The following ATF7IP variants were observed in gnomAD, a reference collection of about 807,000 sequenced individuals.
ATF7IP encodes the protein activating transcription factor 7-interacting protein 1.
In ATF7IP, 23 loss-of-function variants were observed where a neutral mutation model predicts 106.4. The observed-to-expected ratio is 0.22, with a 90% CI of 0.16 to 0.31. ATF7IP has a LOEUF of 0.31. Among genes scored for constraint, ATF7IP ranks in the 10% least tolerant of loss-of-function variants. The probability of loss-of-function intolerance (pLI) is 1.00; values close to 1 mark genes in which losing one functional copy is unlikely to be tolerated. For synonymous variants in ATF7IP, 542 were observed against 539.0 expected, an observed-to-expected ratio of 1.01 and a Z score of -0.08; for missense variants, 1,334 against 1,524.3, an observed-to-expected ratio of 0.88 and a Z score of 2.08.
rs1043579711 is a variant in ATF7IP, at chr12:14,501,303, C to T, written c.*3230C>T. 1 of 152,096 alleles carries T rather than the reference C, an allele frequency of 6.6e-6. No individual in the cohort carries two copies. Among genetic ancestry groups the T allele is most frequent in the Non-Finnish European group, 1.5e-5 (1 of 68,004 alleles). The allele number at this position is 152,096 out of a possible 1,614,324, so 9.4% of individuals were successfully genotyped here. A position where few individuals can be genotyped will look rare whatever the true frequency, so the allele number is the denominator to read the frequency against. On this transcript the variant is annotated 3_prime_UTR_variant, in exon 15 of 15. Transcript: ENST00000261168. ...CTGGCAATATTTGTGTAGGTATTGC[C>T]TTATTGGAAATTCTGGAAACCTGAT...
At chr12:14,388,074 T>A (rs1040020908) in intron 1 of ATF7IP, among the ~76,000 whole-genome samples, 1 of 149,966 alleles carries the variant, frequency 6.7e-6, no homozygotes, top group Non-Finnish European at 1.5e-5. Context: ...AGTGCGATGA[T>A]GCTTCCTCGG....
intron 1 of ATF7IP, chr12:14,385,363 G>T (rs1347715789): frequency 6.5e-7 from 1 of 1,533,494 alleles, no homozygotes; most frequent in Admixed American, 2.0e-5. Context: ...CAGCAAGTAT[G>T]TCAGTGAGGA....
At chr12:14,460,230 A>G (rs889263658) in intron 8 of ATF7IP, among the ~76,000 whole-genome samples, 1 of 152,024 alleles carries the variant, frequency 6.6e-6, no homozygotes, top group Non-Finnish European at 1.5e-5. Context: ...ATTTTCAGAG[A>G]CCGTTTTGAT....
chr12:14,443,849 A>G (rs1016753074), intron 5 of ATF7IP, among the ~76,000 whole-genome samples: 2 of 152,204 alleles, frequency 1.3e-5, no homozygotes, highest in Non-Finnish European at 2.9e-5. Flanking sequence ...AATATATTCT[A>G]ATAGTTTTCC....
intron 8 of ATF7IP, among the ~76,000 whole-genome samples, chr12:14,458,382 T>A (rs1489589549): frequency 6.6e-6 from 1 of 152,238 alleles, no homozygotes; most frequent in African/African-American, 2.4e-5. Context: ...TCCAGTCTTT[T>A]ACAAATATAT....
At chr12:14,414,593 T>G (rs1173377426) in intron 1 of ATF7IP, among the ~76,000 whole-genome samples, 2 of 152,198 alleles carry the variant, frequency 1.3e-5, no homozygotes, top group African/African-American at 2.4e-5. Flanking sequence ...ATACTGTATA[T>G]CTCTGTCATA....
At chr12:14,402,756 C>A (rs936263371) in intron 1 of ATF7IP, among the ~76,000 whole-genome samples, 5 of 151,912 alleles carry the variant, frequency 3.3e-5, no homozygotes, top group African/African-American at 4.8e-5. Flanking sequence ...TCTATCATGC[C>A]TGGCTAATGT....
At chr12:14,470,555 A>G (rs1944001121) in intron 10 of ATF7IP, among the ~76,000 whole-genome samples, 1 of 152,208 alleles carries the variant, frequency 6.6e-6, no homozygotes, top group Non-Finnish European at 1.5e-5. Flanking sequence ...AATAAGGTCT[A>G]CAGTCAGACA....
chr12:14,476,997 C>T (rs935530980), intron 11 of ATF7IP, among the ~76,000 whole-genome samples: 1 of 152,034 alleles, frequency 6.6e-6, no homozygotes, highest in African/African-American at 2.4e-5. Context: ...CTTTACTATG[C>T]TAATTTATAA....
chr12:14,453,233 A>G (rs567158648), intron 6 of ATF7IP, among the ~76,000 whole-genome samples: 2 of 152,232 alleles, frequency 1.3e-5, no homozygotes, highest in Non-Finnish European at 2.9e-5. Context: ...TTGAATTTGC[A>G]TCTCCATTTT....
At chr12:14,494,932 C>CA (rs34929652) in intron 13 of ATF7IP, among the ~76,000 whole-genome samples, 843 of 78,968 alleles carry the variant, frequency 0.011, 14 homozygotes, top group African/African-American at 0.031. Flanking sequence ...GACTCTGTCT[C>CA]AAAAAAAAAA....
At chr12:14,453,509 A>C (rs950553888) in intron 6 of ATF7IP, among the ~76,000 whole-genome samples, 2 of 151,742 alleles carry the variant, frequency 1.3e-5, no homozygotes, top group African/African-American at 4.8e-5. Context: ...TCAGCTTTTT[A>C]ATTTGTATTA....
In ATF7IP at chr12:14,424,615, A is replaced by G. The variant is rs749150760; in HGVS notation, c.700A>G (p.Ile234Val). 2 of 1,613,664 alleles carry G rather than the reference A, an allele frequency of 1.2e-6. No individual in the cohort carries two copies. Among genetic ancestry groups the G allele is most frequent in the Non-Finnish European group, 8.5e-7 (1 of 1,179,958 alleles). ...CGCTGATGATATAGCCTCTAGTGAA[A>G]TAACTTCTGTTGATCTGGCTTCTGG... ...CAADDIASSE[I>V]TSVDLASGAP... The change falls in exon 2 of 15, where the codon ATA (isoleucine) becomes GTA (valine). Residue 234 changes from isoleucine to valine, a missense_variant. Ile to Val is a conservative substitution (Grantham distance 29, BLOSUM62 3). Around this residue, in one of 10 missense-constraint regions of ATF7IP, gnomAD observed 438 missense variants for 405.3 expected, o/e 1.08. Transcript: ENST00000261168.
chr12:14,473,648 A>G (rs112746805), intron 10 of ATF7IP, among the ~76,000 whole-genome samples: 6,741 of 151,990 alleles, frequency 0.044, 184 homozygotes, highest in Non-Finnish European at 0.063. Context: ...CCAAGTTGGT[A>G]TTTCCTTTCA....
intron 1 of ATF7IP, among the ~76,000 whole-genome samples, chr12:14,409,472 G>A (rs1334212990): frequency 6.6e-6 from 1 of 152,108 alleles, no homozygotes; most frequent in Non-Finnish European, 1.5e-5. Context: ...ATAGTTAATT[G>A]AATTTTCCAT....
chr12:14,423,864 G>A, intron 1 of ATF7IP, 45 bp from the exon 2 acceptor site: 3 of 1,523,770 alleles, frequency 2.0e-6, no homozygotes, highest in Non-Finnish European at 2.6e-6. Context: ...CAATTAGGTG[G>A]CTTCTGTTTC....
In ATF7IP at chr12:14,423,897, T is replaced by C. The variant is rs112588027; in HGVS notation, c.-7-12T>C. On this transcript the variant is annotated splice_polypyrimidine_tract_variant and intron_variant, in intron 1 of 14. Coordinates refer to ENST00000261168, the MANE Select transcript of ATF7IP (RefSeq NM_018179.5). Reference sequence around the variant, plus strand: ...TTCAGTTATTAAACTCTCTTTCTCTTTTTTCTTAAAGATTCAGAATGGACA... The same window carrying C: ...TTCAGTTATTAAACTCTCTTTCTCTCTTTTCTTAAAGATTCAGAATGGACA... The C allele has an allele frequency of 6.4e-7, 1 of 1,555,700 alleles. No homozygotes were observed. The highest frequency in any genetic ancestry group is 8.6e-7 in the Non-Finnish European group (1 of 1,156,906).
intron 10 of ATF7IP, among the ~76,000 whole-genome samples, chr12:14,468,980 T>C (rs1462492313): frequency 6.6e-6 from 1 of 152,204 alleles, no homozygotes; most frequent in Non-Finnish European, 1.5e-5. Context: ...CTTTGAATTG[T>C]CACATTTTAA....
Position 14,424,457 on chromosome 12 carries a change from C to A in ATF7IP, c.542C>A (p.Ser181Tyr), listed in dbSNP as rs976334909. 7.4e-6 allele frequency: 12 copies of A among 1,611,846 alleles called. No homozygotes were observed. Among genetic ancestry groups the A allele is most frequent in the Non-Finnish European group, 1.0e-5 (12 of 1,179,180 alleles). The change falls in exon 2 of 15, where the codon TCT (serine) becomes TAT (tyrosine). Residue 181 changes from serine (S) to tyrosine (Y), a missense_variant. Physicochemically the swap from Ser to Tyr is moderately radical, Grantham distance 144 (BLOSUM62 -2). This residue lies in a region of ATF7IP where 438 missense variants were observed against 405.3 expected (regional missense o/e 1.08). Coordinates refer to ENST00000261168, the MANE Select transcript of ATF7IP (RefSeq NM_018179.5). ...GATGCAACCTCTGGTGATGCCCCTT[C>A]TGGTGATGTGTCCCCTGGTGATGCC... ...SGDATSGDAP[S>Y]GDVSPGDATS...
Sources: allele counts gnomAD v4.1 joint callset (sites outside exome capture counted in the v4.1 genomes callset), GRCh38; gene constraint gnomAD v4.1.1; regional missense constraint gnomAD v4.1.1; transcripts MANE v1.5; gene names NCBI Gene and HGNC (gene_info 2026-07-23, HGNC 2026-07-21).